The following GRM5 variants were observed in gnomAD, a reference collection of about 807,000 sequenced individuals.
GRM5 encodes the protein metabotropic glutamate receptor 5.
In GRM5, 19 loss-of-function variants were observed where a neutral mutation model predicts 83.1. The ratio of observed to expected loss-of-function variants is 0.23; its 90% CI spans 0.16 to 0.34. The LOEUF (loss-of-function observed/expected upper bound fraction) is 0.34. Ranked by LOEUF, GRM5 falls within the 10% of genes least tolerant of loss-of-function variation. The probability of loss-of-function intolerance (pLI) is 1.00; values close to 1 mark genes in which losing one functional copy is unlikely to be tolerated. For synonymous variants in GRM5, 675 were observed against 633.6 expected (o/e 1.07, Z -0.98); for missense variants, 1,160 against 1,588.3 (o/e 0.73, Z 4.58).
chr11:88,525,495 G>T, intron 8 of GRM5, 91 bp from the exon 9 acceptor site: 2 of 776,172 alleles, frequency 2.6e-6, no homozygotes, highest in South Asian at 1.7e-5. Flanking sequence ...CTGTGGAGAT[G>T]GTCACTCTGT....
At chr11:88,598,849 A>G (rs1036707352) in intron 5 of GRM5, among the ~76,000 whole-genome samples, 1 of 152,214 alleles carries the variant, frequency 6.6e-6, no homozygotes, top group East Asian at 1.9e-4. Context: ...TCCTTACTCA[A>G]AAATGAGCTG....
chr11:88,541,249 G>A (rs1209116653), intron 8 of GRM5, among the ~76,000 whole-genome samples: 1 of 152,056 alleles, frequency 6.6e-6, no homozygotes, highest in Non-Finnish European at 1.5e-5. Context: ...ATTTCACAAT[G>A]CAAAATATCC....
Position 88,509,076 on chromosome 11 carries a change from G to A in GRM5, c.3155C>T (p.Ser1052Phe), listed in dbSNP as rs1176729757. The change falls in exon 10 of 10, where the codon TCC (serine) becomes TTC (phenylalanine). Residue 1052 changes from serine to phenylalanine, a missense_variant. This residue lies in a region of GRM5 where 562 missense variants were observed against 532.4 expected (regional missense o/e 1.06). Transcript: ENST00000305447. ...LHSEPVARSS[S>F]SQGSLMEQIS... ...CTGCTCCATGAGGGAGCCCTGCGAG[G>A]AGCTGCTGCGCGCCACAGGCTCCGA... 4 of 1,551,808 alleles carry A rather than the reference G, an allele frequency of 2.6e-6. No individual in the cohort carries two copies. Among genetic ancestry groups the A allele is most frequent in the Non-Finnish European group, 3.5e-6 (4 of 1,147,990 alleles).
At chr11:88,750,365 CTTCAA>C (rs1482956386) in intron 3 of GRM5, among the ~76,000 whole-genome samples, 1 of 152,046 alleles carries the variant, frequency 6.6e-6, no homozygotes, top group East Asian at 1.9e-4. Flanking sequence ...ATGGTAAAGT[CTTCAA>C]TTCAACAAGA....
At chr11:88,929,892 A>T (rs1375674882) in intron 2 of GRM5, among the ~76,000 whole-genome samples, 1 of 152,140 alleles carries the variant, frequency 6.6e-6, no homozygotes, top group Non-Finnish European at 1.5e-5. Flanking sequence ...GTTTAAGCAC[A>T]CCAAGGATTC....
chr11:88,546,963 G>A (rs771631082), intron 8 of GRM5, among the ~76,000 whole-genome samples: 60 of 152,064 alleles, frequency 3.9e-4, no homozygotes, highest in Non-Finnish European at 6.5e-4. Flanking sequence ...TAGTTGGTCA[G>A]ATGTATTGGT....
chr11:88,908,771 G>A (rs1037805416), intron 2 of GRM5, among the ~76,000 whole-genome samples: 1 of 151,976 alleles, frequency 6.6e-6, no homozygotes, highest in Non-Finnish European at 1.5e-5. Flanking sequence ...TAATATCTCA[G>A]TTCAACCTAA....
chr11:88,775,667 A>G (rs990852132), intron 3 of GRM5, among the ~76,000 whole-genome samples: 5 of 152,184 alleles, frequency 3.3e-5, no homozygotes, highest in African/African-American at 1.2e-4. Context: ...TTCAAAGAAC[A>G]TCTTTATTTT....
At chr11:88,672,120 T>C (rs1248899385) in intron 3 of GRM5, among the ~76,000 whole-genome samples, 1 of 152,036 alleles carries the variant, frequency 6.6e-6, no homozygotes, top group East Asian at 1.9e-4. Context: ...TTGGAGTCCT[T>C]GGCCATCACT....
At chr11:88,913,170 A>C (rs577902939) in intron 2 of GRM5, among the ~76,000 whole-genome samples, 1 of 152,118 alleles carries the variant, frequency 6.6e-6, no homozygotes, top group Non-Finnish European at 1.5e-5. Context: ...TTTGTCAATG[A>C]CCATGTTAGA....
At chr11:88,626,964 A>T (rs1262245932) in intron 4 of GRM5, among the ~76,000 whole-genome samples, 3 of 151,972 alleles carry the variant, frequency 2.0e-5, no homozygotes, top group Non-Finnish European at 1.5e-5. Flanking sequence ...TCCAGCCTCC[A>T]GCGCTGTGAA....
In GRM5 at chr11:88,792,928, T is replaced by C. The variant is rs151110735; in HGVS notation, c.911+56978A>G. 3.5e-3 allele frequency among the ~76,000 whole-genome samples: 528 copies of C among 152,284 alleles called. 2 individuals carry two copies. Among genetic ancestry groups the C allele is most frequent in the African/African-American group, 0.012 (504 of 41,578 alleles). On this transcript the variant is annotated intron_variant, in intron 3 of 9. Transcript: ENST00000305447. ...CCTTGTGGCCCATGTAAGATGGGCA[T>C]GATCTATTTTTGATACTATTTAGAG...
chr11:88,567,361 G>A lies in GRM5; in HGVS notation c.2322C>T (p.Ile774=), dbSNP rs150737546. ...VPANFNEAKY[I]AFTMYTTCII... ...TGCAGGTCGTGTACATTGTGAAGGC[G>A]ATATACTTGGCCTCGTTGAAGTTAG... Residue 774 remains isoleucine, a synonymous_variant, in exon 8 of 10, where the codon ATC becomes ATT. Coordinates refer to ENST00000305447, the MANE Select transcript of GRM5 (RefSeq NM_001143831.3). This position sits in a 1 kb window ranked among gnomAD's most constrained non-coding sequence, Gnocchi z 7.3. 4.2e-5 allele frequency: 67 copies of A among 1,614,006 alleles called. No homozygotes were observed. The highest frequency in any genetic ancestry group is 3.6e-4 in the African/African-American group (27 of 75,026).
At chr11:88,564,160 GTCAGC>G (rs1705800881) in intron 8 of GRM5, among the ~76,000 whole-genome samples, 1 of 152,122 alleles carries the variant, frequency 6.6e-6, no homozygotes, top group Non-Finnish European at 1.5e-5. Context: ...TGTGGCCTGT[GTCAGC>G]TATAATCACA....
At chr11:88,833,984 G>C (rs1331055105) in intron 3 of GRM5, among the ~76,000 whole-genome samples, 1 of 152,168 alleles carries the variant, frequency 6.6e-6, no homozygotes, top group Non-Finnish European at 1.5e-5. Context: ...GCGTAAATAA[G>C]AGAGGTTGGT....
intron 1 of GRM5, among the ~76,000 whole-genome samples, chr11:89,054,089 T>C (rs1376675791): frequency 6.6e-6 from 1 of 152,136 alleles, no homozygotes; most frequent in Non-Finnish European, 1.5e-5. Flanking sequence ...ACATTCTACC[T>C]AAAATTTTAA....
chr11:88,561,804 A>G (rs1181125347), intron 8 of GRM5, among the ~76,000 whole-genome samples: 1 of 152,106 alleles, frequency 6.6e-6, no homozygotes, highest in Non-Finnish European at 1.5e-5. Flanking sequence ...TCCCTTTGCT[A>G]TTTCAGTGAA....
intron 3 of GRM5, among the ~76,000 whole-genome samples, chr11:88,724,267 A>AAT (rs1941621345): frequency 6.6e-6 from 1 of 152,070 alleles, no homozygotes. Context: ...TTTCCTACCC[A>AAT]ATCTTCACCT....
chr11:88,929,275 A>G (rs1402795096), intron 2 of GRM5, among the ~76,000 whole-genome samples: 2 of 152,096 alleles, frequency 1.3e-5, no homozygotes, highest in South Asian at 2.1e-4. Flanking sequence ...TTAAACTATT[A>G]AACTAGTTAA....
Sources: allele counts gnomAD v4.1 joint callset (sites outside exome capture counted in the v4.1 genomes callset), GRCh38; gene constraint gnomAD v4.1.1; regional missense constraint gnomAD v4.1.1; non-coding constraint Gnocchi (gnomAD v3.1); transcripts MANE v1.5; gene names NCBI Gene and HGNC (gene_info 2026-07-23, HGNC 2026-07-21).